SMG1: variants seen among roughly 807,000 people sequenced by gnomAD.
SMG1 encodes the protein SMG1 nonsense mediated mRNA decay associated PI3K related kinase, also known as serine/threonine-protein kinase SMG1.
In SMG1, 22 loss-of-function variants were observed where a neutral mutation model predicts 419.9. The ratio of observed to expected loss-of-function variants is 0.05; its 90% CI spans 0.04 to 0.07. SMG1 has a LOEUF of 0.07. SMG1 is among the 10% of genes least tolerant of loss of function. The probability of loss-of-function intolerance (pLI) is 1.00; values close to 1 mark genes in which losing one functional copy is unlikely to be tolerated. For missense variants in SMG1, 3,185 were observed against 4,342.0 expected, an observed-to-expected ratio of 0.73 and a Z score of 7.49; for synonymous variants, 1,538 against 1,553.5, an observed-to-expected ratio of 0.99 and a Z score of 0.23.
At chr16:18,904,499 G>A (rs1438942191) in intron 1 of SMG1, among the ~76,000 whole-genome samples, 13 of 151,688 alleles carry the variant, frequency 8.6e-5, no homozygotes, top group Admixed American at 4.6e-4. Context: ...TTACCTGCGT[G>A]TGGTGGCACG....
intron 45 of SMG1, 23 bp from the exon 46 acceptor site, chr16:18,837,466 A>T (rs1208093447): frequency 6.3e-7 from 1 of 1,599,648 alleles, no homozygotes; most frequent in South Asian, 1.1e-5. Context: ...ATTACGATTA[A>T]GAAGACTCTT....
At chr16:18,915,504 G>A (rs2037935367) in intron 1 of SMG1, among the ~76,000 whole-genome samples, 1 of 152,084 alleles carries the variant, frequency 6.6e-6, no homozygotes, top group Non-Finnish European at 1.5e-5. Context: ...GTATTTACTT[G>A]AGGAAGACAC....
intron 23 of SMG1, among the ~76,000 whole-genome samples, chr16:18,864,540 G>A (rs1180425411): frequency 6.6e-6 from 1 of 151,850 alleles, no homozygotes; most frequent in East Asian, 1.9e-4. Flanking sequence ...CTGTCACCCA[G>A]GCTGGAGAGC....
In SMG1 at chr16:18,819,576, C is replaced by T. The variant is rs1269550842; in HGVS notation, c.9820G>A (p.Val3274Ile). The T allele has an allele frequency of 6.2e-7, 1 of 1,601,150 alleles. No homozygotes were observed. The highest frequency in any genetic ancestry group is 2.2e-5 in the East Asian group (1 of 44,564). The change falls in exon 56 of 63, where the codon GTA (valine) becomes ATA (isoleucine). Residue 3274 changes from valine (V) to isoleucine (I), a missense_variant. This residue lies in a region of SMG1 where 737 missense variants were observed against 846.6 expected (regional missense o/e 0.87). Coordinates refer to ENST00000446231, the MANE Select transcript of SMG1 (RefSeq NM_015092.5). ...AGGANPALAP[V>I]LQDFEATIAE... ...ATCGTTGCTTCAAAATCTTGTAGTA[C>T]AGGGGCCAATGCAGGGTTGGCACCA...
In SMG1 at chr16:18,892,353, C is replaced by T. The variant is rs2036921149; in HGVS notation, c.414G>A (p.Glu138=). 1.3e-6 allele frequency: 2 copies of T among 1,548,466 alleles called. No individual in the cohort carries two copies. Among genetic ancestry groups the T allele is most frequent in the Non-Finnish European group, 1.7e-6 (2 of 1,145,908 alleles). Residue 138 remains glutamate (E), a splice_region_variant and synonymous_variant, in exon 4 of 63, where the codon GAG becomes GAA. Transcript: ENST00000446231. ...ACTCATCAGAATAAGACATCGATCT[C>T]TCTGTGAATATATAAACATTTTGTT... ...LATKDMRKSQ[E]RSMSYSDESR...
intron 37 of SMG1, 27 bp from the exon 38 acceptor site, chr16:18,847,634 T>C: frequency 6.2e-7 from 1 of 1,613,458 alleles, no homozygotes; most frequent in South Asian, 1.1e-5. Context: ...CCCAAATAGC[T>C]CATCTACAAG....
chr16:18,898,876 G>T (rs1322390454), intron 1 of SMG1, among the ~76,000 whole-genome samples: 3 of 152,046 alleles, frequency 2.0e-5, no homozygotes, highest in Non-Finnish European at 4.4e-5. Context: ...AAAAGATCTG[G>T]GCTCAAATCC....
At chr16:18,815,735 C>T (rs898230288) in intron 58 of SMG1, 84 bp from the exon 59 acceptor site, 13 of 1,108,700 alleles carry the variant, frequency 1.2e-5, no homozygotes, top group Non-Finnish European at 1.5e-5. Flanking sequence ...GATTAAGTAA[C>T]AAATGTTTCA....
At chr16:18,884,472 TCTAC>T (rs1567423510) in intron 8 of SMG1, among the ~76,000 whole-genome samples, 2 of 152,146 alleles carry the variant, frequency 1.3e-5, no homozygotes, top group Non-Finnish European at 2.9e-5. Context: ...ACTGCCACAA[TCTAC>T]CATTGGCCCA....
At chr16:18,897,840 A>G (rs2037194695) in intron 1 of SMG1, among the ~76,000 whole-genome samples, 1 of 152,094 alleles carries the variant, frequency 6.6e-6, no homozygotes, top group Admixed American at 6.6e-5. Context: ...ATTATAGCAT[A>G]CGAAAAATCC....
At chr16:18,890,062 A>G (rs2036808579) in intron 5 of SMG1, among the ~76,000 whole-genome samples, 1 of 152,258 alleles carries the variant, frequency 6.6e-6, no homozygotes, top group African/African-American at 2.4e-5. Context: ...GTTTATGACC[A>G]GCTGAGATAA....
At chr16:18,878,550 T>C (rs1294208990) in intron 11 of SMG1, 2 of 147,954 alleles carry the variant, frequency 1.4e-5, no homozygotes, top group Non-Finnish European at 3.0e-5. Context: ...GAGGCTGCAG[T>C]GAGCTCTGAT....
Position 18,833,067 on chromosome 16 carries a change from C to T in SMG1, c.8665G>A (p.Gly2889Ser), listed in dbSNP as rs35952340. 696 of 1,613,824 alleles carry T rather than the reference C, an allele frequency of 4.3e-4. 8 individuals carry two copies. The East Asian group carries it at 0.011, about 26-fold the overall frequency. ...CCATCGGTGGTCTGCTCAATAAGACCGTCCAGTTCATGCAGCATACTTTCT... is the reference window on the plus strand; with the variant it reads ...CCATCGGTGGTCTGCTCAATAAGACTGTCCAGTTCATGCAGCATACTTTCT... Reference protein sequence around the residue: ...TLESMLHELDGLIEQTTDGVP... With the variant: ...TLESMLHELDSLIEQTTDGVP... Residue 2889 changes from glycine to serine, a missense_variant, in exon 51 of 63, where the codon GGT becomes AGT. By Grantham distance (56) the Gly-to-Ser change is moderately conservative. Coordinates refer to ENST00000446231, the MANE Select transcript of SMG1 (RefSeq NM_015092.5).
chr16:18,817,515 T>A, intron 56 of SMG1, 45 bp from the exon 57 acceptor site: 4 of 1,446,380 alleles, frequency 2.8e-6, no homozygotes, highest in Non-Finnish European at 3.7e-6. Flanking sequence ...GGGAGGAAGG[T>A]GGGAAAGGGA....
intron 31 of SMG1, among the ~76,000 whole-genome samples, chr16:18,852,676 T>A (rs2034667031): frequency 6.6e-6 from 1 of 152,232 alleles, no homozygotes; most frequent in South Asian, 2.1e-4. Flanking sequence ...GCTTCCCAAG[T>A]AAGATTATAT....
At chr16:18,831,000 T>C (rs1368026158) in intron 51 of SMG1, among the ~76,000 whole-genome samples, 2 of 152,184 alleles carry the variant, frequency 1.3e-5, no homozygotes, top group Non-Finnish European at 2.9e-5. Context: ...ATTCTAAAGC[T>C]GGCGGACCTA....
chr16:18,842,145 C>T (rs1451978983), intron 40 of SMG1, 63 bp downstream of exon 40: 3 of 1,521,970 alleles, frequency 2.0e-6, no homozygotes, highest in Non-Finnish European at 2.7e-6. Flanking sequence ...CACACCCACA[C>T]TCACACAAAG....
Position 18,853,682 on chromosome 16 carries a change from C to A in SMG1, c.4669G>T (p.Gly1557Cys), listed in dbSNP as rs1210431512. 2 of 1,613,512 alleles carry A rather than the reference C, an allele frequency of 1.2e-6. No individual in the cohort carries two copies. The change falls in exon 31 of 63, where the codon GGT becomes TGT. Residue 1557 changes from glycine to cysteine, a missense_variant. Physicochemically the swap from Gly to Cys is radical, Grantham distance 159. Around this residue, in one of 27 missense-constraint regions of SMG1, gnomAD observed 493 missense variants for 552.9 expected, o/e 0.89. Transcript: ENST00000446231. ...ATGTTTTTAGACAAAGTAGAAAGAC[C>A]TGTGAAGTTCTGTTGGTGCTGAGCT... ...YRAQHQQNFTGLSTLSKNILT... is the reference protein window; with the variant it reads ...YRAQHQQNFTCLSTLSKNILT...
chr16:18,851,401 ACACACACGCG>A (rs1166481033), intron 33 of SMG1, among the ~76,000 whole-genome samples: 2 of 150,388 alleles, frequency 1.3e-5, no homozygotes, highest in African/African-American at 2.5e-5. Flanking sequence ...ATACACACAC[ACACACACGCG>A]CACGCGCACA....
Sources: gnomAD v4.1 joint callset for allele counts (sites outside exome capture counted in the v4.1 genomes callset) on GRCh38, gnomAD v4.1.1 for gene constraint, gnomAD v4.1.1 regional missense constraint, MANE v1.5 for transcripts, NCBI Gene and HGNC (gene_info 2026-07-23, HGNC 2026-07-21) for gene names.